The following PTAFR variants were observed in gnomAD, a reference collection of about 807,000 sequenced individuals.
PTAFR encodes the protein platelet activating factor receptor.
A neutral mutation model predicts 14.7 loss-of-function variants in PTAFR; 8 were observed. That is an observed-to-expected ratio of 0.54 (90% confidence interval 0.32 to 0.98). The LOEUF (loss-of-function observed/expected upper bound fraction) is 0.98, where lower values mean the gene tolerates loss of function less well. Ranked by LOEUF, PTAFR falls within the 50% of genes least tolerant of loss-of-function variation. The pLI is 0.04. For synonymous variants in PTAFR, 156 were observed against 176.5 expected, an observed-to-expected ratio of 0.88 and a Z score of 0.92; for missense variants, 337 against 451.2, an observed-to-expected ratio of 0.75 and a Z score of 2.29.
In PTAFR at chr1:28,150,769, G is replaced by A; in HGVS notation, c.253C>T (p.Leu85Phe). The A allele has an allele frequency of 6.2e-7, 1 of 1,614,196 alleles. No individual in the cohort carries two copies. Among genetic ancestry groups the A allele is most frequent in the Non-Finnish European group, 8.5e-7 (1 of 1,180,026 alleles). ...VYYQNQGNWI[L>F]PKFLCNVAGC... ...GCCACGTTGCACAGGAATTTGGGGA[G>A]TATCCAGTTGCCCTGGTTTTGGTAG... Residue 85 changes from leucine (L) to phenylalanine (F), a missense_variant, in exon 2 of 2, where the codon CTC becomes TTC. Coordinates refer to ENST00000373857, the MANE Select transcript of PTAFR (RefSeq NM_000952.5). This position sits in a 1 kb window ranked among gnomAD's most constrained non-coding sequence, Gnocchi z 6.3.
At position 28,148,733 on chromosome 1, in the gene PTAFR, G is replaced by C. The variant is rs1470768493; in HGVS notation, c.*1260C>G. The C allele has an allele frequency of 2.0e-5, 3 of 152,226 alleles. No individual in the cohort carries two copies. Among genetic ancestry groups the C allele is most frequent in the African/African-American group, 7.2e-5 (3 of 41,446 alleles). 9.4% of individuals were successfully genotyped at this position (152,226 alleles called of 1,614,324 possible). On this transcript the variant is annotated 3_prime_UTR_variant, in exon 2 of 2. Transcript: ENST00000373857. ...CCCACCTCAGCCTCCCAAAGTACTG[G>C]GATTACAGGCATGAGCCATATTTTT...
chr1:28,191,318 G>A (rs921943071), intron 1 of PTAFR, among the ~76,000 whole-genome samples: 13 of 152,248 alleles, frequency 8.5e-5, no homozygotes, highest in African/African-American at 2.7e-4. Flanking sequence ...TGAGGCCGCT[G>A]GCTTTGCCTG....
intron 1 of PTAFR, among the ~76,000 whole-genome samples, chr1:28,182,594 T>TA (rs148469079): frequency 5.0e-4 from 73 of 145,568 alleles, no homozygotes; most frequent in South Asian, 1.1e-3. Context: ...CCCTGTCTCT[T>TA]AAAAAAAAAA....
chr1:28,161,758 C>G (rs898590354), intron 1 of PTAFR, among the ~76,000 whole-genome samples: 1 of 152,174 alleles, frequency 6.6e-6, no homozygotes, highest in Non-Finnish European at 1.5e-5. Context: ...CTTTAAGGCC[C>G]TCTCCTAGGC....
intron 1 of PTAFR, among the ~76,000 whole-genome samples, chr1:28,153,248 C>T (rs1347581527): frequency 6.6e-6 from 1 of 152,136 alleles, no homozygotes; most frequent in Non-Finnish European, 1.5e-5. Flanking sequence ...AGTGAGACAC[C>T]ATTTCGAACA....
Position 28,150,797 on chromosome 1 carries a change from G to A in PTAFR, c.225C>T (p.Val75=). The change falls in exon 2 of 2, where the codon GTC becomes GTT. Residue 75 remains valine (V), a synonymous_variant. Transcript: ENST00000373857. The surrounding 1 kb of genome is among the most constrained non-coding windows in gnomAD (Gnocchi z 6.3). The part of the protein sequence containing the change: ...LFLITLPLWI[V]YYQNQGNWIL... Reference sequence around the variant, plus strand: ...TCCAGTTGCCCTGGTTTTGGTAGTAGACAATCCAAAGTGGCAGGGTGATCA... The same window carrying A: ...TCCAGTTGCCCTGGTTTTGGTAGTAAACAATCCAAAGTGGCAGGGTGATCA... 1 of 1,614,156 alleles carries A rather than the reference G, an allele frequency of 6.2e-7. No homozygotes were observed. The highest frequency in any genetic ancestry group is 8.5e-7 in the Non-Finnish European group (1 of 1,180,034).
intron 1 of PTAFR, among the ~76,000 whole-genome samples, chr1:28,158,612 C>T (rs372692917): frequency 1.3e-5 from 2 of 152,002 alleles, no homozygotes; most frequent in African/African-American, 4.8e-5. Flanking sequence ...GCAGGAGAAT[C>T]GCTTGAACCC....
intron 1 of PTAFR, among the ~76,000 whole-genome samples, chr1:28,183,747 G>T (rs139506456): frequency 1.3e-5 from 2 of 152,064 alleles, no homozygotes; most frequent in African/African-American, 4.8e-5. Flanking sequence ...TTAGCCGGGC[G>T]TGGTGGCACA....
chr1:28,190,679 G>A (rs187481920), intron 1 of PTAFR, among the ~76,000 whole-genome samples: 59 of 152,220 alleles, frequency 3.9e-4, no homozygotes, highest in African/African-American at 1.4e-3. Context: ...AAAGAGTCAC[G>A]GGAGGAAGGG....
chr1:28,178,086 T>G (rs1021567670), upstream of PTAFR, among the ~76,000 whole-genome samples: 1 of 152,030 alleles, frequency 6.6e-6, no homozygotes, highest in Admixed American at 6.5e-5. Context: ...AGAGGGAAAC[T>G]GAGGTCCCGA....
rs749824466 is a variant in PTAFR, at chr1:28,154,541, G to A, written c.-38-3482C>T. ...AGGAGTGCTGATTGGGCCGGCCGTG[G>A]TGGCTCACGCCTGTAATCCTAGCAC... On this transcript the variant is annotated intron_variant, in intron 1 of 1. Transcript: ENST00000373857. Among the ~76,000 whole-genome samples the A allele has an allele frequency of 3.7e-4, 56 of 152,136 alleles. 1 individual carries two copies. The highest frequency in any genetic ancestry group is 7.2e-4 in the Non-Finnish European group (49 of 68,016).
intron 1 of PTAFR, among the ~76,000 whole-genome samples, chr1:28,155,765 G>A (rs1572031135): frequency 1.3e-5 from 2 of 152,074 alleles, no homozygotes; most frequent in African/African-American, 4.8e-5. Context: ...CTACTCAGGA[G>A]GCCAAGGTGG....
In PTAFR at chr1:28,149,804, TCATTTGAGTTC is replaced by T; in HGVS notation, c.*178_*188del. On this transcript the variant is annotated 3_prime_UTR_variant, in exon 2 of 2. Transcript: ENST00000373857. ...TGCGCCCACAGGCGGATGAAGGGGC[TCATTTGAGTTC>T]TGGATTTTCCAACAGCCTGGCTCTG... 1 of 675,242 alleles carries T rather than the reference TCATTTGAGTTC, an allele frequency of 1.5e-6. No homozygotes were observed. The highest frequency in any genetic ancestry group is 2.4e-6 in the Non-Finnish European group (1 of 410,780). 41.8% of individuals were successfully genotyped at this position (675,242 alleles called of 1,614,324 possible).
At chr1:28,173,444 A>AAAAC (rs910189490) in intron 1 of PTAFR, among the ~76,000 whole-genome samples, 4 of 152,070 alleles carry the variant, frequency 2.6e-5, no homozygotes, top group East Asian at 1.9e-4. Flanking sequence ...ACCTCTACAA[A>AAAAC]AAACAAACAA....
intron 1 of PTAFR, among the ~76,000 whole-genome samples, chr1:28,159,490 TG>T (rs1431447138): frequency 6.6e-6 from 1 of 152,034 alleles, no homozygotes; most frequent in Non-Finnish European, 1.5e-5. Flanking sequence ...TGCCCAGGCA[TG>T]GGTTGAGGGG....
chr1:28,153,080 G>T (rs1180148516), intron 1 of PTAFR, among the ~76,000 whole-genome samples: 1 of 151,878 alleles, frequency 6.6e-6, no homozygotes, highest in African/African-American at 2.4e-5. Context: ...GACCGAGTGA[G>T]CCCAGGAGTT....
At chr1:28,153,581 CAAAAAAAA>C (rs36049566) in intron 1 of PTAFR, among the ~76,000 whole-genome samples, 1 of 62,658 alleles carries the variant, frequency 1.6e-5, no homozygotes, top group African/African-American at 5.6e-5. Context: ...CCTGTCTCTA[CAAAAAAAA>C]AAAAAAAAAA....
upstream of PTAFR, among the ~76,000 whole-genome samples, chr1:28,177,458 T>C (rs1185923637): frequency 6.6e-6 from 1 of 152,164 alleles, no homozygotes; most frequent in Non-Finnish European, 1.5e-5. Flanking sequence ...CTCCCTGTTT[T>C]GCCTAGGTTG....
Position 28,149,200 on chromosome 1 carries a change from G to T in PTAFR, c.*793C>A, listed in dbSNP as rs776511020. ...AGAAAGGTCACAAAGACCTTGTGCCGGAGGGTGGAGAGAGGATGGCAACAT... is the reference window on the plus strand; with the variant it reads ...AGAAAGGTCACAAAGACCTTGTGCCTGAGGGTGGAGAGAGGATGGCAACAT... On this transcript the variant is annotated 3_prime_UTR_variant, in exon 2 of 2. Transcript: ENST00000373857. 6.6e-6 allele frequency: 1 copy of T among 152,290 alleles called. No homozygotes were observed. The highest frequency in any genetic ancestry group is 2.4e-5 in the African/African-American group (1 of 41,450). 9.4% of individuals were successfully genotyped at this position (152,290 alleles called of 1,614,324 possible). A position where few individuals can be genotyped will look rare whatever the true frequency, so the allele number is the denominator to read the frequency against.
Sources: allele counts gnomAD v4.1 joint callset (sites outside exome capture counted in the v4.1 genomes callset), GRCh38; gene constraint gnomAD v4.1.1; non-coding constraint Gnocchi (gnomAD v3.1); transcripts MANE v1.5; gene names NCBI Gene and HGNC (gene_info 2026-07-23, HGNC 2026-07-21).